FRMPD4: variants seen among roughly 807,000 people sequenced by gnomAD.
FRMPD4 encodes FERM and PDZ domain containing 4, also known as FERM and PDZ domain-containing protein 4.
Under a neutral mutation model 94.1 loss-of-function variants are expected in FRMPD4, and 22 were observed. That is an observed-to-expected ratio of 0.23 (90% CI 0.17 to 0.33). The LOEUF (loss-of-function observed/expected upper bound fraction) is 0.33, where lower values mean the gene tolerates loss of function less well. Among genes scored for constraint, FRMPD4 ranks in the 10% least tolerant of loss-of-function variants. FRMPD4 has a pLI of 1.00. For missense variants in FRMPD4, 1,111 were observed against 1,339.9 expected (o/e 0.83, Z 2.67); for synonymous variants, 631 against 548.6 (o/e 1.15, Z -2.10).
intron 1 of FRMPD4, among the ~76,000 whole-genome samples, chrX:12,266,132 C>CAAAAAAAAAAAAAAAAAAAA (rs3990340): frequency 7.8e-5 from 2 of 25,757 alleles, no homozygotes; most frequent in East Asian, 9.5e-4. Flanking sequence ...GACTCCGTCT[C>CAAAAAAAAAAAAAAAAAAAA]AAAAAAAAAA....
At chrX:12,074,516 A>G (rs978601500) in intron 3 of FRMPD4, among the ~76,000 whole-genome samples, 3 of 112,047 alleles carry the variant, frequency 2.7e-5, no homozygotes, top group African/African-American at 9.7e-5. Context: ...ATTGACTGAT[A>G]TAAAATTTGA....
intron 1 of FRMPD4, among the ~76,000 whole-genome samples, chrX:12,440,045 A>T (rs939874154): frequency 1.8e-5 from 2 of 111,931 alleles, no homozygotes; most frequent in African/African-American, 6.5e-5. Context: ...TAGTTTTTTT[A>T]AAAATCTATA....
chrX:12,123,119 TTTTC>T (rs2055469741), intron 3 of FRMPD4, among the ~76,000 whole-genome samples: 2 of 76,578 alleles, frequency 2.6e-5, no homozygotes, highest in Non-Finnish European at 2.2e-5. Context: ...CTTGATTTTC[TTTTC>T]TTTTTTTTTT....
At chrX:12,228,276 A>G (rs781037355) in intron 1 of FRMPD4, among the ~76,000 whole-genome samples, 1 of 112,589 alleles carries the variant, frequency 8.9e-6, no homozygotes, top group Admixed American at 9.4e-5. Flanking sequence ...GTCTTTCCTA[A>G]ACGCACCTGA....
chrX:12,453,442 A>AATT (rs1272723946), intron 1 of FRMPD4, among the ~76,000 whole-genome samples: 1 of 111,951 alleles, frequency 8.9e-6, no homozygotes, highest in Non-Finnish European at 1.9e-5. Context: ...ATAGGAAAAA[A>AATT]ATTATGTCTT....
chrX:12,446,756 C>A (rs772392900), intron 1 of FRMPD4, among the ~76,000 whole-genome samples: 27 of 112,044 alleles, frequency 2.4e-4, no homozygotes, highest in Non-Finnish European at 4.3e-4. Flanking sequence ...CATTAAACCT[C>A]CTTTTGTCTA....
chrX:12,237,425 T>C (rs748574695), intron 1 of FRMPD4, among the ~76,000 whole-genome samples: 1 of 112,376 alleles, frequency 8.9e-6, no homozygotes, highest in African/African-American at 3.2e-5. Context: ...TGTTAGCATT[T>C]TGAACAAATA....
intron 1 of FRMPD4, among the ~76,000 whole-genome samples, chrX:12,468,674 G>A (rs2057476144): frequency 9.0e-6 from 1 of 111,581 alleles, no homozygotes; most frequent in African/African-American, 3.3e-5. Context: ...CCCAAAAGGG[G>A]ACCCAAGTAG....
chrX:12,491,629 AAC>A (rs1204082876), intron 1 of FRMPD4, among the ~76,000 whole-genome samples: 1 of 112,509 alleles, frequency 8.9e-6, no homozygotes, highest in African/African-American at 3.2e-5. Flanking sequence ...ATGGCATTTC[AAC>A]ACACATGTAT....
In FRMPD4 at chrX:12,009,907, A is replaced by AT. The variant is rs950857752; in HGVS notation, c.95+131896dup. ...AGTTTCTAAATTTAATGTTTATATTATTTTTTTGAATTTAGAAACAAAATA... is the reference window on the plus strand; with the variant it reads ...AGTTTCTAAATTTAATGTTTATATTATTTTTTTTGAATTTAGAAACAAAATA... On this transcript the variant is annotated intron_variant, in intron 3 of 18. Transcript: ENST00000640291. Among the ~76,000 whole-genome samples, 9 of 112,069 alleles carry AT rather than the reference A, an allele frequency of 8.0e-5. No homozygotes were observed. The East Asian group carries it at 2.5e-3, about 31-fold the overall frequency.
At chrX:12,007,905 C>G (rs1182675885) in intron 3 of FRMPD4, among the ~76,000 whole-genome samples, 5 of 111,944 alleles carry the variant, frequency 4.5e-5, no homozygotes, top group Admixed American at 1.9e-4. Context: ...AAGGATTGGC[C>G]TGTCAGTGGG....
intron 1 of FRMPD4, among the ~76,000 whole-genome samples, chrX:12,152,247 G>A (rs1298036236): frequency 9.0e-6 from 1 of 111,663 alleles, no homozygotes; most frequent in Non-Finnish European, 1.9e-5. Flanking sequence ...CATATAATGG[G>A]CAAATTCAAA....
At chrX:12,356,456 C>T (rs1023117519) in intron 1 of FRMPD4, among the ~76,000 whole-genome samples, 4 of 111,018 alleles carry the variant, frequency 3.6e-5, no homozygotes, top group Non-Finnish European at 7.5e-5. Context: ...ATTGAATCCT[C>T]ATCCTGAAGT....
At chrX:12,567,937 G>T (rs2058728663) in intron 2 of FRMPD4, among the ~76,000 whole-genome samples, 1 of 111,643 alleles carries the variant, frequency 9.0e-6, no homozygotes, top group African/African-American at 3.3e-5. Context: ...CTGTTTCAAG[G>T]ATAGCCTAAT....
chrX:12,176,654 T>C (rs771121797), intron 1 of FRMPD4, among the ~76,000 whole-genome samples: 1 of 112,630 alleles, frequency 8.9e-6, no homozygotes, highest in South Asian at 3.6e-4. Context: ...GTTTTAAAAT[T>C]GGTTTCAAAT....
At chrX:12,274,651 T>C (rs917107454) in intron 1 of FRMPD4, among the ~76,000 whole-genome samples, 1 of 112,289 alleles carries the variant, frequency 8.9e-6, no homozygotes, top group Middle Eastern at 4.2e-3. Context: ...TATGGAGCAA[T>C]GTACTCATTC....
chrX:12,008,281 G>A (rs774077174), intron 3 of FRMPD4, among the ~76,000 whole-genome samples: 122 of 111,672 alleles, frequency 1.1e-3, no homozygotes, highest in South Asian at 2.3e-3. Flanking sequence ...CGTGGGCATG[G>A]CAGTGTATTA....
intron 3 of FRMPD4, among the ~76,000 whole-genome samples, chrX:12,000,814 T>C (rs1015243271): frequency 4.5e-5 from 5 of 112,066 alleles, no homozygotes; most frequent in African/African-American, 1.6e-4. Flanking sequence ...GGGAGCTTTT[T>C]CCTCATAAAA....
At position 12,537,449 on chromosome X, in the gene FRMPD4, T is replaced by C. The variant is rs753345875; in HGVS notation, c.158+38653T>C. Among the ~76,000 whole-genome samples, 22 of 104,836 alleles carry C rather than the reference T, an allele frequency of 2.1e-4. No individual in the cohort carries two copies. The East Asian group carries it at 6.1e-3, about 29-fold the overall frequency. The allele number at this position is 104,836 out of a possible 115,157, so 91.0% of individuals were successfully genotyped here. A position where few individuals can be genotyped will look rare whatever the true frequency, so the allele number is the denominator to read the frequency against. On this transcript the variant is annotated intron_variant, in intron 2 of 16. Transcript: ENST00000675598. ...GTGTATTCCAACAATATATATTTTTTTTTTCCTTTTTTTTTTTTTTTGAGA... is the reference window on the plus strand; with the variant it reads ...GTGTATTCCAACAATATATATTTTTCTTTTCCTTTTTTTTTTTTTTTGAGA...
Sources: gnomAD v4.1 joint callset for allele counts (sites outside exome capture counted in the v4.1 genomes callset) on GRCh38, gnomAD v4.1.1 for gene constraint, MANE v1.5 for transcripts, NCBI Gene and HGNC (gene_info 2026-07-23, HGNC 2026-07-21) for gene names.